KCNH8: variants seen among roughly 807,000 people sequenced by gnomAD.
The protein encoded by KCNH8 is voltage-gated delayed rectifier potassium channel KCNH8.
In KCNH8, 70 loss-of-function variants were observed where a neutral mutation model predicts 103.6. That is an observed-to-expected ratio of 0.68 (90% CI 0.56 to 0.82). The LOEUF is 0.82. Among genes scored for constraint, KCNH8 ranks in the 40% least tolerant of loss-of-function variants. The probability of loss-of-function intolerance (pLI) is 0.00; values close to 1 mark genes in which losing one functional copy is unlikely to be tolerated. For synonymous variants in KCNH8, 498 were observed against 489.4 expected, an observed-to-expected ratio of 1.02 and a Z score of -0.23; for missense variants, 1,217 against 1,329.9, an observed-to-expected ratio of 0.92 and a Z score of 1.32.
chr3:19,361,547 A>T (rs903736942), intron 5 of KCNH8, among the ~76,000 whole-genome samples: 1 of 152,124 alleles, frequency 6.6e-6, no homozygotes, highest in Non-Finnish European at 1.5e-5. Context: ...AGCAATACCA[A>T]CCATGGGAGA....
At chr3:19,475,361 G>T (rs2067951424) in intron 11 of KCNH8, among the ~76,000 whole-genome samples, 1 of 152,104 alleles carries the variant, frequency 6.6e-6, no homozygotes, top group Non-Finnish European at 1.5e-5. Context: ...CTTGTTCACT[G>T]TTCACGTTTT....
At chr3:19,176,793 C>T (rs2063404055) in intron 1 of KCNH8, among the ~76,000 whole-genome samples, 2 of 151,992 alleles carry the variant, frequency 1.3e-5, no homozygotes, top group South Asian at 4.1e-4. Flanking sequence ...TAGTTATGCT[C>T]TATAAAATTG....
chr3:19,450,336 C>G (rs780341278), intron 9 of KCNH8, 31 bp downstream of exon 9: 1 of 1,541,792 alleles, frequency 6.5e-7, no homozygotes, highest in South Asian at 1.1e-5. Context: ...TGTTTTCAGG[C>G]AGAAAGCACA....
chr3:19,343,812 G>A (rs1055151573), intron 4 of KCNH8, among the ~76,000 whole-genome samples: 1 of 152,014 alleles, frequency 6.6e-6, no homozygotes, highest in Admixed American at 6.6e-5. Context: ...AACAAAGAAA[G>A]ATGTATGAGC....
At chr3:19,180,249 GACAGACTTGGCCCTTCAAAGGGCCA>G in intron 1 of KCNH8, among the ~76,000 whole-genome samples, 1 of 7,768 alleles carries the variant, frequency 1.3e-4, no homozygotes, top group African/African-American at 3.7e-4. Context: ...AAAGGGCCAA[GACAGACTTGGCCCTTCAAAGGGCCA>G]AGACAGACTT....
At chr3:19,270,259 T>G (rs1396280217) in intron 2 of KCNH8, among the ~76,000 whole-genome samples, 1 of 152,186 alleles carries the variant, frequency 6.6e-6, no homozygotes, top group African/African-American at 2.4e-5. Context: ...TCTGGTCCTT[T>G]GTAGAACAAG....
Position 19,451,389 on chromosome 3 carries a change from G to A in KCNH8, c.1810G>A (p.Val604Met), listed in dbSNP as rs768366359. Reference protein sequence around the residue: ...GSMEVLKDSMVLAILGKGDLI... With the variant: ...GSMEVLKDSMMLAILGKGDLI... The stretch of plus-strand genomic sequence containing the variant: ...CATGGAAGTTCTTAAAGACAGCATG[G>A]TGCTGGCTATTCTTGGTAGGTCTGA... The change falls in exon 10 of 16, where the codon GTG becomes ATG. Residue 604 changes from valine (V) to methionine (M), a missense_variant. This residue lies in a region of KCNH8 where 415 missense variants were observed against 577.4 expected (regional missense o/e 0.72). Transcript: ENST00000328405. The A allele has an allele frequency of 6.2e-7, 1 of 1,613,662 alleles. No homozygotes were observed.
At chr3:19,310,183 T>C (rs531273197) in intron 3 of KCNH8, among the ~76,000 whole-genome samples, 2 of 152,106 alleles carry the variant, frequency 1.3e-5, no homozygotes, top group South Asian at 4.1e-4. Flanking sequence ...ACAATCAGCA[T>C]ACTGATTACC....
intron 1 of KCNH8, among the ~76,000 whole-genome samples, chr3:19,159,015 G>A (rs1254101240): frequency 6.6e-6 from 1 of 151,676 alleles, no homozygotes; most frequent in African/African-American, 2.4e-5. Flanking sequence ...TTTCTAATGA[G>A]TGTTTTCTGG....
chr3:19,490,699 C>T (rs138450945), intron 11 of KCNH8, among the ~76,000 whole-genome samples: 15 of 152,114 alleles, frequency 9.9e-5, no homozygotes, highest in Admixed American at 8.5e-4. Context: ...GGTCTCCCCC[C>T]CTTAAAGTGA....
At chr3:19,295,209 G>A (rs549424337) in intron 3 of KCNH8, among the ~76,000 whole-genome samples, 2 of 151,802 alleles carry the variant, frequency 1.3e-5, no homozygotes, top group South Asian at 4.2e-4. Context: ...GGGAGACACT[G>A]TCTGTACAAA....
At chr3:19,228,270 G>C (rs892230741) in intron 1 of KCNH8, among the ~76,000 whole-genome samples, 1 of 152,162 alleles carries the variant, frequency 6.6e-6, no homozygotes, top group Non-Finnish European at 1.5e-5. Flanking sequence ...TTCGTACTAT[G>C]AATGTTGAGT....
chr3:19,518,975 C>T (rs1006552873), intron 15 of KCNH8, among the ~76,000 whole-genome samples: 2 of 151,796 alleles, frequency 1.3e-5, no homozygotes, highest in Non-Finnish European at 2.9e-5. Flanking sequence ...AGAAGTAAGA[C>T]AGAAAAGGAA....
At chr3:19,179,354 T>G (rs2063429970) in intron 1 of KCNH8, among the ~76,000 whole-genome samples, 1 of 152,198 alleles carries the variant, frequency 6.6e-6, no homozygotes, top group Admixed American at 6.5e-5. Context: ...ACTGGTCATT[T>G]GAAAGATAAT....
chr3:19,516,003 TC>T (rs2068868370), intron 14 of KCNH8, among the ~76,000 whole-genome samples: 1 of 152,060 alleles, frequency 6.6e-6, no homozygotes, highest in Non-Finnish European at 1.5e-5. Context: ...AGTTTGTTGC[TC>T]GTAAGAATGA....
intron 1 of KCNH8, among the ~76,000 whole-genome samples, chr3:19,242,031 G>T (rs2064148871): frequency 6.6e-6 from 1 of 152,142 alleles, no homozygotes; most frequent in African/African-American, 2.4e-5. Flanking sequence ...AACTACACGG[G>T]CAAAAGCCTT....
intron 3 of KCNH8, among the ~76,000 whole-genome samples, chr3:19,305,271 G>A (rs2065115644): frequency 6.6e-6 from 1 of 152,002 alleles, no homozygotes; most frequent in Non-Finnish European, 1.5e-5. Flanking sequence ...AAAGTCAAAG[G>A]TAGAAAAAAT....
At chr3:19,274,236 T>C (rs1210267265) in intron 2 of KCNH8, among the ~76,000 whole-genome samples, 1 of 152,164 alleles carries the variant, frequency 6.6e-6, no homozygotes, top group Non-Finnish European at 1.5e-5. Flanking sequence ...TTGTAAAATA[T>C]AGTTCAGTGC....
At position 19,525,793 on chromosome 3, in the gene KCNH8, C is replaced by T. The variant is rs141302660; in HGVS notation, c.2620-7602C>T. Among the ~76,000 whole-genome samples the T allele has an allele frequency of 4.0e-4, 61 of 152,072 alleles. No homozygotes were observed. In the East Asian group the frequency reaches 9.9e-3, roughly 25 times the overall value. ...GTGTGACCTAGAACAAGCCATTTTA[C>T]CTTCCAACATTCTAGTCTCTCCAGC... On this transcript the variant is annotated intron_variant, in intron 15 of 15. Coordinates refer to ENST00000328405, the MANE Select transcript of KCNH8 (RefSeq NM_144633.3).
Sources: allele counts gnomAD v4.1 joint callset (sites outside exome capture counted in the v4.1 genomes callset), GRCh38; gene constraint gnomAD v4.1.1; regional missense constraint gnomAD v4.1.1; transcripts MANE v1.5; gene names NCBI Gene and HGNC (gene_info 2026-07-23, HGNC 2026-07-21).